The following USP34 variants were observed in gnomAD, a reference collection of about 807,000 sequenced individuals.
USP34 encodes the protein ubiquitin carboxyl-terminal hydrolase 34.
Under a neutral mutation model 460.3 loss-of-function variants are expected in USP34, and 70 were observed. The observed-to-expected ratio is 0.15, with a 90% CI of 0.13 to 0.19. The LOEUF is 0.19. Among genes scored for constraint, USP34 ranks in the 10% least tolerant of loss-of-function variants. USP34 has a pLI of 1.00. For synonymous variants in USP34, 1,647 were observed against 1,405.3 expected, an observed-to-expected ratio of 1.17 and a Z score of -3.85; for missense variants, 3,985 against 4,236.2, an observed-to-expected ratio of 0.94 and a Z score of 1.65.
intron 39 of USP34, 35 bp from the exon 40 acceptor site, chr2:61,278,478 A>C: frequency 7.0e-7 from 1 of 1,433,500 alleles, no homozygotes; most frequent in Non-Finnish European, 9.3e-7. Context: ...TTCAAATATA[A>C]ATTTTTTATG....
At chr2:61,269,723 T>C (rs1689156933) in intron 41 of USP34, among the ~76,000 whole-genome samples, 1 of 152,190 alleles carries the variant, frequency 6.6e-6, no homozygotes, top group South Asian at 2.1e-4. Flanking sequence ...TTTATTTTGT[T>C]AATGTACATC....
At position 61,311,840 on chromosome 2, in the gene USP34, C is replaced by T; in HGVS notation, c.3613G>A (p.Asp1205Asn). 1.2e-6 allele frequency: 2 copies of T among 1,613,996 alleles called. No individual in the cohort carries two copies. Among genetic ancestry groups the T allele is most frequent in the Non-Finnish European group, 1.7e-6 (2 of 1,179,934 alleles). ...GISSHLKALS[D>N]KQSLPLRVVC... ...ACCCTTAGCGGCAGAGACTGTTTGT[C>T]ACTCAGTGCTTTCAAATGACTACTA... Residue 1205 changes from aspartate to asparagine, a missense_variant, in exon 26 of 80, where the codon GAC becomes AAC. Asp to Asn is a conservative substitution (Grantham distance 23). Coordinates refer to ENST00000398571, the MANE Select transcript of USP34 (RefSeq NM_014709.4).
At chr2:61,323,044 G>A (rs995003487) in intron 21 of USP34, among the ~76,000 whole-genome samples, 4 of 152,092 alleles carry the variant, frequency 2.6e-5, no homozygotes, top group Admixed American at 2.6e-4. Flanking sequence ...ATATAACTTT[G>A]AAGTAACTTC....
rs775582744 is a variant in USP34 at position 61,470,732 on chromosome 2, CACTG to C, written c.-44_-41del. ...CCCCCCCCTCCCCCGCTTCGGATCA[CACTG>C]ACTGATCCCGACCGGCGGGGGGGAG... is the stretch of plus-strand genomic sequence containing the variant. On this transcript the variant is annotated 5_prime_UTR_variant, in exon 1 of 80. Coordinates refer to ENST00000398571, the MANE Select transcript of USP34 (RefSeq NM_014709.4). 26 of 1,562,644 alleles carry C rather than the reference CACTG, an allele frequency of 1.7e-5. No homozygotes were observed. The highest frequency in any genetic ancestry group is 2.0e-5 in the Non-Finnish European group (23 of 1,147,444).
chr2:61,258,206 T>C (rs188466548), intron 44 of USP34, among the ~76,000 whole-genome samples: 3 of 151,886 alleles, frequency 2.0e-5, no homozygotes, highest in South Asian at 2.1e-4. Flanking sequence ...ATAAAGAAGA[T>C]AGCCAGGCAT....
chr2:61,452,375 A>T (rs1695309107), intron 1 of USP34, among the ~76,000 whole-genome samples: 1 of 125,984 alleles, frequency 7.9e-6, no homozygotes, highest in South Asian at 2.9e-4. Flanking sequence ...CCCAGGCTAG[A>T]GTGTAGTGGC....
Position 61,314,738 on chromosome 2 carries a change from G to C in USP34, c.3389C>G (p.Thr1130Arg). The C allele has an allele frequency of 6.3e-7, 1 of 1,577,394 alleles. No individual in the cohort carries two copies. The highest frequency in any genetic ancestry group is 8.6e-7 in the Non-Finnish European group (1 of 1,166,608). ...AAATTCTTGCTCCTTCTCCAAACCTGTTTTACCTGAAAGCCAAATGTTTAG... is the reference window on the plus strand; with the variant it reads ...AAATTCTTGCTCCTTCTCCAAACCTCTTTTACCTGAAAGCCAAATGTTTAG... Reference protein sequence around the residue: ...YINSYYINGKTGLEKEQEFIS... With the variant: ...YINSYYINGKRGLEKEQEFIS... The change falls in exon 25 of 80, where the codon ACA (threonine) becomes AGA (arginine). Residue 1130 changes from threonine (T) to arginine (R), a missense_variant. Thr to Arg is a moderately conservative substitution (Grantham distance 71). Transcript: ENST00000398571.
chr2:61,210,715 A>C (rs538325195), intron 69 of USP34, among the ~76,000 whole-genome samples: 16 of 152,058 alleles, frequency 1.1e-4, no homozygotes, highest in Non-Finnish European at 2.1e-4. Flanking sequence ...AGAAAGCTCC[A>C]AATCTTTTTT....
intron 8 of USP34, among the ~76,000 whole-genome samples, chr2:61,373,496 G>GT (rs1306072593): frequency 2.0e-5 from 3 of 151,216 alleles, no homozygotes; most frequent in Non-Finnish European, 4.4e-5. Flanking sequence ...AAGGTTCAGT[G>GT]GTTATACCAA....
intron 27 of USP34, among the ~76,000 whole-genome samples, chr2:61,307,861 C>A (rs1355396416): frequency 6.6e-6 from 1 of 151,926 alleles, no homozygotes; most frequent in Non-Finnish European, 1.5e-5. Context: ...CCAGCCTGGG[C>A]AACATGGCAA....
At chr2:61,321,976 C>A (rs1223438396) in intron 21 of USP34, among the ~76,000 whole-genome samples, 2 of 152,138 alleles carry the variant, frequency 1.3e-5, no homozygotes, top group East Asian at 3.8e-4. Context: ...CACCTGTAAT[C>A]CCATCACTTT....
intron 1 of USP34, among the ~76,000 whole-genome samples, chr2:61,438,623 C>A (rs375159100): frequency 6.7e-6 from 1 of 150,312 alleles, no homozygotes; most frequent in Non-Finnish European, 1.5e-5. Flanking sequence ...AAAACAAAAA[C>A]AAAAAAAAAA....
Position 61,347,887 on chromosome 2 carries a change from A to ATGG in USP34, c.2265_2267dup (p.His760dup), listed in dbSNP as rs754455063. Reference sequence around the variant, plus strand: ...AGGCTTACCCATCGTGGTGGTGGTGATGGTGGTGGTGGTGGTGGTGATGCT... The same window carrying ATGG: ...AGGCTTACCCATCGTGGTGGTGGTGATGGTGGTGGTGGTGGTGGTGGTGATGCT... On this transcript the variant is annotated inframe_insertion, in exon 15 of 80. Coordinates refer to ENST00000398571, the MANE Select transcript of USP34 (RefSeq NM_014709.4). The ATGG allele has an allele frequency of 9.7e-5, 157 of 1,612,142 alleles. No individual in the cohort carries two copies. The highest frequency in any genetic ancestry group is 5.3e-4 in the African/African-American group (40 of 74,946).
chr2:61,347,095 G>A (rs537920026), intron 15 of USP34, among the ~76,000 whole-genome samples: 3 of 152,130 alleles, frequency 2.0e-5, no homozygotes, highest in Admixed American at 6.6e-5. Flanking sequence ...AGCCTAGATC[G>A]TGCCACTGCA....
intron 3 of USP34, among the ~76,000 whole-genome samples, chr2:61,398,759 T>C (rs1245536545): frequency 6.6e-6 from 1 of 152,152 alleles, no homozygotes. Context: ...TGAAATAAAG[T>C]CTGAAAATCA....
At chr2:61,230,723 A>C (rs1332638685) in intron 58 of USP34, among the ~76,000 whole-genome samples, 9 of 152,054 alleles carry the variant, frequency 5.9e-5, no homozygotes, top group Admixed American at 5.9e-4. Context: ...GCGCGCCTGT[A>C]ATCCCAGCTA....
intron 20 of USP34, among the ~76,000 whole-genome samples, chr2:61,328,523 G>A (rs185900212): frequency 6.6e-6 from 1 of 152,082 alleles, no homozygotes; most frequent in Non-Finnish European, 1.5e-5. Context: ...ACAGCCTGAA[G>A]GAATAGGGAA....
chr2:61,388,809 C>T (rs1693251328), intron 5 of USP34, among the ~76,000 whole-genome samples: 1 of 150,880 alleles, frequency 6.6e-6, no homozygotes, highest in Non-Finnish European at 1.5e-5. Flanking sequence ...ACACAAACAC[C>T]CTGATAAGAC....
intron 10 of USP34, among the ~76,000 whole-genome samples, chr2:61,352,890 A>G (rs1244553729): frequency 6.6e-6 from 1 of 152,174 alleles, no homozygotes; most frequent in African/African-American, 2.4e-5. Flanking sequence ...AGAAAAGGAT[A>G]TCAGGGAAGA....
Sources: gnomAD v4.1 joint callset for allele counts (sites outside exome capture counted in the v4.1 genomes callset) on GRCh38, gnomAD v4.1.1 for gene constraint, MANE v1.5 for transcripts, NCBI Gene and HGNC (gene_info 2026-07-23, HGNC 2026-07-21) for gene names.